PCDHAC1: variants seen among roughly 807,000 people sequenced by gnomAD.
PCDHAC1 encodes protocadherin alpha-C1.
A neutral mutation model predicts 60.0 loss-of-function variants in PCDHAC1; 42 were observed. The observed-to-expected ratio is 0.70, with a 90% CI of 0.55 to 0.90. The LOEUF (loss-of-function observed/expected upper bound fraction) is 0.90, where lower values mean the gene tolerates loss of function less well. Among genes scored for constraint, PCDHAC1 ranks in the 40% least tolerant of loss-of-function variants. The probability of loss-of-function intolerance (pLI) is 0.00; values close to 1 mark genes in which losing one functional copy is unlikely to be tolerated. For missense variants in PCDHAC1, 1,160 were observed against 1,222.3 expected, an observed-to-expected ratio of 0.95 and a Z score of 0.76; for synonymous variants, 468 against 499.3, an observed-to-expected ratio of 0.94 and a Z score of 0.84.
intron 1 of PCDHAC1, among the ~76,000 whole-genome samples, chr5:140,944,406 C>G (rs1003379783): frequency 6.6e-6 from 1 of 152,084 alleles, no homozygotes; most frequent in African/African-American, 2.4e-5. Flanking sequence ...AGGCTGGTCT[C>G]GAACTCCTGA....
chr5:141,006,048 G>T (rs1158028347), intron 3 of PCDHAC1, among the ~76,000 whole-genome samples: 1 of 150,984 alleles, frequency 6.6e-6, no homozygotes, highest in Non-Finnish European at 1.5e-5. Context: ...TTGTAGATGA[G>T]AGTGGAGAAG....
intron 3 of PCDHAC1, among the ~76,000 whole-genome samples, chr5:141,005,559 G>A (rs980622255): frequency 6.6e-6 from 1 of 151,190 alleles, no homozygotes; most frequent in Admixed American, 6.6e-5. Flanking sequence ...AAAATTAGCC[G>A]GGCATGGTGG....
chr5:140,976,453 G>A (rs1554237653), intron 1 of PCDHAC1, among the ~76,000 whole-genome samples: 1 of 152,032 alleles, frequency 6.6e-6, no homozygotes, highest in Admixed American at 6.6e-5. Flanking sequence ...AGGGAGGCTG[G>A]GGAAGAAGAA....
intron 1 of PCDHAC1, among the ~76,000 whole-genome samples, chr5:140,972,725 G>A (rs985697414): frequency 2.7e-5 from 4 of 146,408 alleles, no homozygotes; most frequent in African/African-American, 7.7e-5. Context: ...GTGCAGTGGC[G>A]TAATCCCGGC....
rs1554214040 is a variant in PCDHAC1, at chr5:140,941,214, C to CCTTCCTTTCTTTCTTTCTTTCTTTCTTT, written c.2433+11892_2433+11893insCCTTTCTTTCTTTCTTTCTTTCTTTCTT. Reference sequence around the variant, plus strand: ...TTTTTTCTTTCTTCCTTTCTTTCTTCCTTTCTTTCTTTCTTTCTTTCTTTC... The same window carrying CCTTCCTTTCTTTCTTTCTTTCTTTCTTT: ...TTTTTTCTTTCTTCCTTTCTTTCTTCCTTCCTTTCTTTCTTTCTTTCTTTCTTTCTTTCTTTCTTTCTTTCTTTCTTTC... On this transcript the variant is annotated intron_variant, in intron 1 of 3. Transcript: ENST00000253807. Among the ~76,000 whole-genome samples, 25 of 122,492 alleles carry CCTTCCTTTCTTTCTTTCTTTCTTTCTTT rather than the reference C, an allele frequency of 2.0e-4. 1 individual carries two copies. Among genetic ancestry groups the CCTTCCTTTCTTTCTTTCTTTCTTTCTTT allele is most frequent in the East Asian group, 4.6e-4 (2 of 4,322 alleles). The allele number at this position is 122,492 out of a possible 152,430, so 80.4% of individuals were successfully genotyped here.
chr5:141,003,560 G>T (rs1011065385), intron 3 of PCDHAC1, among the ~76,000 whole-genome samples: 1 of 152,062 alleles, frequency 6.6e-6, no homozygotes, highest in Non-Finnish European at 1.5e-5. Context: ...TGATCCACCT[G>T]CCTCAGACTC....
chr5:140,960,120 C>A (rs2095527331), intron 1 of PCDHAC1, among the ~76,000 whole-genome samples: 1 of 152,118 alleles, frequency 6.6e-6, no homozygotes, highest in African/African-American at 2.4e-5. Context: ...AATAGTATTC[C>A]TTATGAAATA....
chr5:140,952,121 C>A (rs993598007), intron 1 of PCDHAC1, among the ~76,000 whole-genome samples: 1 of 152,102 alleles, frequency 6.6e-6, no homozygotes, highest in Non-Finnish European at 1.5e-5. Context: ...GGGATGGGCT[C>A]CCAAGGCCTT....
Position 141,010,368 on chromosome 5 carries a change from C to G in PCDHAC1, c.*431C>G, listed in dbSNP as rs368481822. 3,124 of 1,471,046 alleles carry G rather than the reference C, an allele frequency of 2.1e-3. 5 individuals are homozygous for G. Among genetic ancestry groups the G allele is most frequent in the Middle Eastern group, 8.7e-3 (36 of 4,144 alleles). The allele number at this position is 1,471,046 out of a possible 1,614,324, so 91.1% of individuals were successfully genotyped here. A position where few individuals can be genotyped will look rare whatever the true frequency, so the allele number is the denominator to read the frequency against. On this transcript the variant is annotated 3_prime_UTR_variant, in exon 4 of 4. Coordinates refer to ENST00000253807, the MANE Select transcript of PCDHAC1 (RefSeq NM_018898.5). ...GGTATGTGTGGCTACCGCGGGTATG[C>G]GAGTGCCAGATATTGGCTGAGACGA...
At chr5:140,987,429 G>A (rs1402576200) in intron 3 of PCDHAC1, among the ~76,000 whole-genome samples, 1 of 152,096 alleles carries the variant, frequency 6.6e-6, no homozygotes, top group Non-Finnish European at 1.5e-5. Context: ...GAAGCAGGGG[G>A]CCTTTCCCCA....
chr5:140,988,827 G>A (rs1554250450), intron 3 of PCDHAC1: 1 of 152,132 alleles, frequency 6.6e-6, no homozygotes, highest in African/African-American at 2.4e-5. Flanking sequence ...CCCAAACAGA[G>A]ATCACGTGTC....
intron 1 of PCDHAC1, chr5:140,968,734 C>A: frequency 6.2e-7 from 1 of 1,614,162 alleles, no homozygotes; most frequent in Non-Finnish European, 8.5e-7. Flanking sequence ...GTAGCACTTT[C>A]AACCTGACCG....
At chr5:140,967,671 A>G in intron 1 of PCDHAC1, 1 of 1,614,130 alleles carries the variant, frequency 6.2e-7, no homozygotes, top group Non-Finnish European at 8.5e-7. Context: ...TACACGTCGG[A>G]CCGGGAGAGG....
At chr5:140,956,381 G>T (rs1380347643) in intron 1 of PCDHAC1, among the ~76,000 whole-genome samples, 2 of 152,090 alleles carry the variant, frequency 1.3e-5, no homozygotes, top group African/African-American at 4.8e-5. Context: ...TTTTATCGAA[G>T]GCCTTTTCTG....
intron 1 of PCDHAC1, chr5:140,966,609 G>A: frequency 1.4e-6 from 1 of 702,876 alleles, no homozygotes; most frequent in Non-Finnish European, 2.1e-6. Flanking sequence ...CCTTGGGAGG[G>A]CCTACGGAGG....
chr5:140,929,566 C>A, intron 1 of PCDHAC1: 2 of 459,566 alleles, frequency 4.4e-6, no homozygotes, highest in Admixed American at 4.2e-5. Flanking sequence ...TATTTAAGAA[C>A]AATAAAAGTA....
At position 140,927,033 on chromosome 5, in the gene PCDHAC1, G is replaced by A. The variant is rs2083768533; in HGVS notation, c.141G>A (p.Ala47=). The change falls in exon 1 of 4, where the codon GCG becomes GCA. Residue 47 remains alanine, a synonymous_variant. Coordinates refer to ENST00000253807, the MANE Select transcript of PCDHAC1 (RefSeq NM_018898.5). ...GNLSADLRLP[A]AAMSSRNFRF... Reference sequence around the variant, plus strand: ...TCTCCGCGGACTTGAGGCTGCCAGCGGCCGCTATGTCCTCGCGGAACTTTC... The same window carrying A: ...TCTCCGCGGACTTGAGGCTGCCAGCAGCCGCTATGTCCTCGCGGAACTTTC... 2 of 1,612,344 alleles carry A rather than the reference G, an allele frequency of 1.2e-6. No individual in the cohort carries two copies. Among genetic ancestry groups the A allele is most frequent in the Non-Finnish European group, 1.7e-6 (2 of 1,178,908 alleles).
chr5:140,945,998 A>G (rs246057), intron 1 of PCDHAC1, among the ~76,000 whole-genome samples: 85,388 of 151,608 alleles, frequency 0.56, 24,621 homozygotes, highest in African/African-American at 0.69. Context: ...GATTGCATCA[A>G]ACTAAAAAGC....
At chr5:140,986,859 C>T (rs1554248338) in intron 3 of PCDHAC1, among the ~76,000 whole-genome samples, 1 of 152,152 alleles carries the variant, frequency 6.6e-6, no homozygotes, top group East Asian at 1.9e-4. Context: ...ACCAACAATA[C>T]CCGGAAACTT....
Sources: allele counts gnomAD v4.1 joint callset (sites outside exome capture counted in the v4.1 genomes callset), GRCh38; gene constraint gnomAD v4.1.1; transcripts MANE v1.5; gene names NCBI Gene and HGNC (gene_info 2026-07-23, HGNC 2026-07-21).